Variants in NISCH observed in about 807,000 individuals in gnomAD.
The protein encoded by NISCH is nischarin.
In NISCH, 55 loss-of-function variants were observed where a neutral mutation model predicts 138.4. The ratio of observed to expected loss-of-function variants is 0.40; its 90% confidence interval spans 0.32 to 0.50. NISCH has a LOEUF of 0.50. Ranked by LOEUF, NISCH falls within the 20% of genes least tolerant of loss-of-function variation. The probability of loss-of-function intolerance (pLI) is 0.71; values close to 1 mark genes in which losing one functional copy is unlikely to be tolerated. For missense variants in NISCH, 1,643 were observed against 2,005.5 expected, an observed-to-expected ratio of 0.82 and a Z score of 3.45; for synonymous variants, 860 against 861.5, an observed-to-expected ratio of 1.00 and a Z score of 0.03.
At chr3:52,484,462 T>TTGGGGCG in intron 13 of NISCH, 51 bp from the exon 14 acceptor site, 17 of 788,668 alleles carry the variant, frequency 2.2e-5, no homozygotes, top group Non-Finnish European at 3.1e-5. Flanking sequence ...ACAGCCGCTC[T>TTGGGGCG]CCCCGCCCCA....
Position 52,458,856 on chromosome 3 carries a change from A to G in NISCH, c.360+12A>G, listed in dbSNP as rs976273787. On this transcript the variant is annotated intron_variant, in intron 3 of 20. Transcript: ENST00000345716. ...ATTTTCACTTCTATGTAAGTTCCTC[A>G]TCGGGTTTTCACCTGTGCCTGCAAA... is the stretch of plus-strand genomic sequence containing the variant. 61 of 1,580,756 alleles carry G rather than the reference A, an allele frequency of 3.9e-5. No individual in the cohort carries two copies. Among genetic ancestry groups the G allele is most frequent in the Admixed American group, 2.8e-4 (15 of 53,074 alleles).
intron 4 of NISCH, chr3:52,471,150 C>T (rs938137215): frequency 3.8e-5 from 21 of 556,896 alleles, no homozygotes; most frequent in African/African-American, 1.3e-4. Context: ...ACTGCTCCCT[C>T]GCACCTGGTT....
intron 3 of NISCH, among the ~76,000 whole-genome samples, chr3:52,462,956 T>C (rs1706678534): frequency 6.6e-6 from 1 of 152,162 alleles, no homozygotes; most frequent in Non-Finnish European, 1.5e-5. Context: ...TTTTTAAAAA[T>C]TGAGATATAA....
intron 3 of NISCH, among the ~76,000 whole-genome samples, chr3:52,463,492 G>A (rs1706692291): frequency 6.6e-6 from 1 of 152,104 alleles, no homozygotes; most frequent in Admixed American, 6.6e-5. Flanking sequence ...TGAGTTATAT[G>A]GTAACTATGT....
At chr3:52,489,302 C>G (rs1246389967) in intron 16 of NISCH, 34 bp from the exon 17 acceptor site, 1 of 1,587,178 alleles carries the variant, frequency 6.3e-7, no homozygotes, top group Non-Finnish European at 8.6e-7. Context: ...CATTTGGGGT[C>G]CGCTGTTAAT....
intron 3 of NISCH, among the ~76,000 whole-genome samples, chr3:52,467,634 A>G (rs1009348397): frequency 6.6e-6 from 1 of 152,256 alleles, no homozygotes; most frequent in South Asian, 2.1e-4. Context: ...TGCCCTAAAG[A>G]GCAAAATTGT....
intron 3 of NISCH, among the ~76,000 whole-genome samples, chr3:52,463,964 T>C (rs1243384049): frequency 6.6e-6 from 1 of 151,320 alleles, no homozygotes; most frequent in Non-Finnish European, 1.5e-5. Context: ...TGGCCTCAAG[T>C]GATTCGCCCA....
rs1367584651 is a variant in NISCH at position 52,492,008 on chromosome 3, C to A, written c.4041C>A (p.Ile1347=). Residue 1347 remains isoleucine, a synonymous_variant, in exon 21 of 21, where the codon ATC becomes ATA. Coordinates refer to ENST00000345716, the MANE Select transcript of NISCH (RefSeq NM_007184.4). ...AEPEKAPALS[I]LLYVQAFQVG... ...CAGAGAAGGCCCCAGCCCTCAGCAT[C>A]CTGCTGTACGTGCAGGCCTTCCAGG... is the stretch of plus-strand genomic sequence containing the variant. 6.2e-7 allele frequency: 1 copy of A among 1,613,424 alleles called. No homozygotes were observed. The highest frequency in any genetic ancestry group is 1.7e-5 in the Admixed American group (1 of 60,032).
At chr3:52,459,820 A>C (rs1706580129) in intron 3 of NISCH, among the ~76,000 whole-genome samples, 2 of 152,096 alleles carry the variant, frequency 1.3e-5, no homozygotes, top group Non-Finnish European at 2.9e-5. Flanking sequence ...ATATGAACAA[A>C]GGTAGTCATT....
chr3:52,486,040 C>A, intron 15 of NISCH, among the ~76,000 whole-genome samples: 1 of 152,208 alleles, frequency 6.6e-6, no homozygotes, highest in East Asian at 1.9e-4. Context: ...CACATGTTGC[C>A]CTACACCAGG....
At chr3:52,489,962 C>T in intron 17 of NISCH, 113 bp from the exon 18 acceptor site, 1 of 1,426,012 alleles carries the variant, frequency 7.0e-7, no homozygotes, top group Non-Finnish European at 9.6e-7. Context: ...CATACGGATT[C>T]ATTGGTGAGC....
chr3:52,480,797 C>T (rs1423657051), intron 13 of NISCH: 4 of 1,483,572 alleles, frequency 2.7e-6, no homozygotes, highest in Non-Finnish European at 3.6e-6. Context: ...CCATCTCTGT[C>T]CCTGTGGACC....
chr3:52,486,043 A>C (rs1364738075), intron 15 of NISCH, among the ~76,000 whole-genome samples: 1 of 152,236 alleles, frequency 6.6e-6, no homozygotes, highest in Admixed American at 6.5e-5. Flanking sequence ...ATGTTGCCCT[A>C]CACCAGGGGT....
At chr3:52,481,988 C>G in intron 13 of NISCH, 10 of 913,030 alleles carry the variant, frequency 1.1e-5, no homozygotes, top group Non-Finnish European at 1.2e-5. Context: ...TGTCTCCGCT[C>G]TATCCGCTGA....
chr3:52,464,392 C>G (rs763897008), intron 3 of NISCH, among the ~76,000 whole-genome samples: 1 of 150,274 alleles, frequency 6.7e-6, no homozygotes, highest in African/African-American at 2.4e-5. Flanking sequence ...GTAAGACTGT[C>G]TAAAAAAACA....
chr3:52,485,614 G>C (rs567857550), intron 14 of NISCH, among the ~76,000 whole-genome samples, 164 bp from the exon 15 acceptor site: 1 of 152,182 alleles, frequency 6.6e-6, no homozygotes, highest in East Asian at 1.9e-4. Flanking sequence ...GTCCCAGAGT[G>C]GGCCCCAGGG....
chr3:52,492,343 C>T lies in NISCH; in HGVS notation c.4376C>T (p.Ala1459Val). 6.2e-7 allele frequency: 1 copy of T among 1,613,434 alleles called. No homozygotes were observed. The highest frequency in any genetic ancestry group is 8.5e-7 in the Non-Finnish European group (1 of 1,180,044). ...TTTGGGGAGGTGCCAGGTGGCCCGGCTAGAGCCAGCCAGGGCCGTGAAGTC... is the reference window on the plus strand; with the variant it reads ...TTTGGGGAGGTGCCAGGTGGCCCGGTTAGAGCCAGCCAGGGCCGTGAAGTC... ...DHFGEVPGGPARASQGREVQW... is the reference protein window; with the variant it reads ...DHFGEVPGGPVRASQGREVQW... The change falls in exon 21 of 21, where the codon GCT becomes GTT. Residue 1459 changes from alanine (A) to valine (V), a missense_variant. Coordinates refer to ENST00000345716, the MANE Select transcript of NISCH (RefSeq NM_007184.4).
At chr3:52,473,434 C>T (rs1021004835) in intron 6 of NISCH, among the ~76,000 whole-genome samples, 4 of 152,194 alleles carry the variant, frequency 2.6e-5, no homozygotes, top group African/African-American at 7.2e-5. Flanking sequence ...CAGCAGTTTC[C>T]ATGACCCACA....
intron 8 of NISCH, among the ~76,000 whole-genome samples, chr3:52,477,139 A>G (rs1054330544): frequency 6.6e-6 from 1 of 152,262 alleles, no homozygotes; most frequent in Non-Finnish European, 1.5e-5. Flanking sequence ...TAACACACTA[A>G]ATGATGACAT....
Sources: allele counts gnomAD v4.1 joint callset (sites outside exome capture counted in the v4.1 genomes callset), GRCh38; gene constraint gnomAD v4.1.1; transcripts MANE v1.5; gene names NCBI Gene and HGNC (gene_info 2026-07-23, HGNC 2026-07-21).